Variants in PLEKHB1 observed in about 807,000 individuals in gnomAD.
The protein encoded by PLEKHB1 is pleckstrin homology domain-containing family B member 1.
PLEKHB1 carries 29 observed loss-of-function variants against 36.2 expected under a neutral mutation model. That is an observed-to-expected ratio of 0.80 (90% CI 0.60 to 1.09). PLEKHB1 has a LOEUF of 1.09. PLEKHB1 is among the 50% of genes least tolerant of loss of function. PLEKHB1 has a pLI of 0.00. For missense variants in PLEKHB1, 330 were observed against 348.2 expected (o/e 0.95, Z 0.42); for synonymous variants, 138 against 140.0 (o/e 0.99, Z 0.10).
chr11:73,646,853 C>T (rs1286307770), intron 1 of PLEKHB1, among the ~76,000 whole-genome samples: 1 of 152,116 alleles, frequency 6.6e-6, no homozygotes, highest in Admixed American at 6.5e-5. Context: ...GGTGGGCTCC[C>T]GCCAGTCCAT....
At chr11:73,656,493 G>A (rs1017047122) in intron 6 of PLEKHB1, among the ~76,000 whole-genome samples, 1 of 152,184 alleles carries the variant, frequency 6.6e-6, no homozygotes, top group Non-Finnish European at 1.5e-5. Flanking sequence ...TTCACTGAGT[G>A]AGCAAAGGAA....
At position 73,661,609 on chromosome 11, in the gene PLEKHB1, G is replaced by GGACT; in HGVS notation, c.*8_*11dup. ...GTCGCCCTGCTGGTTCTGAGCCCTGGGACTCGGAGCACTGACCCCTGCGCT... is the reference window on the plus strand; with the variant it reads ...GTCGCCCTGCTGGTTCTGAGCCCTGGGACTGACTCGGAGCACTGACCCCTGCGCT... On this transcript the variant is annotated 3_prime_UTR_variant, in exon 8 of 8. Transcript: ENST00000354190. The surrounding 1 kb of genome is among the most constrained non-coding windows in gnomAD (Gnocchi z 4.6). 6.4e-7 allele frequency: 1 copy of GGACT among 1,573,240 alleles called. No individual in the cohort carries two copies. Among genetic ancestry groups the GGACT allele is most frequent in the Non-Finnish European group, 8.6e-7 (1 of 1,161,538 alleles).
intron 5 of PLEKHB1, among the ~76,000 whole-genome samples, chr11:73,653,627 C>T (rs966206142): frequency 6.6e-6 from 1 of 152,168 alleles, no homozygotes; most frequent in African/African-American, 2.4e-5. Context: ...AGGCTTAAAC[C>T]GAGGACTGAA....
At chr11:73,653,395 C>T (rs141663899) in intron 5 of PLEKHB1, 10 of 498,972 alleles carry the variant, frequency 2.0e-5, no homozygotes, top group Middle Eastern at 3.0e-4. Context: ...CTCATTCATC[C>T]GCACAACAAA....
chr11:73,646,727 T>A, intron 1 of PLEKHB1, 101 bp downstream of exon 1: 1 of 1,276,806 alleles, frequency 7.8e-7, no homozygotes, highest in Non-Finnish European at 1.1e-6. Context: ...CCTGACATCC[T>A]CTGGTCTCTG....
intron 6 of PLEKHB1, among the ~76,000 whole-genome samples, chr11:73,656,372 G>A (rs1387918740): frequency 4.6e-5 from 7 of 152,270 alleles, no homozygotes; most frequent in East Asian, 1.9e-4. Flanking sequence ...GCCTGATTGC[G>A]CTGCCTCTAT....
chr11:73,651,998 G>T lies in PLEKHB1; in HGVS notation c.350+108G>T, dbSNP rs1944907760. The T allele has an allele frequency of 4.1e-6, 4 of 979,418 alleles. No homozygotes were observed. In the South Asian group the frequency reaches 4.5e-5, roughly 11 times the overall value. The allele number at this position is 979,418 out of a possible 1,614,324, so 60.7% of individuals were successfully genotyped here. A position where few individuals can be genotyped will look rare whatever the true frequency, so the allele number is the denominator to read the frequency against. On this transcript the variant is annotated intron_variant, in intron 4 of 7. Coordinates refer to ENST00000354190, the MANE Select transcript of PLEKHB1 (RefSeq NM_021200.3). ...CTGACCGTAGGAAGAGGGCACTAAG[G>T]CCAGTCAGCAAGGGAGTCTTATTGG...
In PLEKHB1 at chr11:73,648,996, G is replaced by A. The variant is rs138039493; in HGVS notation, c.19-16G>A. The A allele has an allele frequency of 4.0e-4, 633 of 1,580,708 alleles. 4 individuals carry two copies. The African/African-American group carries it at 7.5e-3, about 19-fold the overall frequency. On this transcript the variant is annotated splice_polypyrimidine_tract_variant and intron_variant, in intron 1 of 7. Transcript: ENST00000354190. ...GCTGCTGCTGAGGCCTGTGTCTCCCGTGGCTCCTCTGACAGGTCCCGCCTG... is the reference window on the plus strand; with the variant it reads ...GCTGCTGCTGAGGCCTGTGTCTCCCATGGCTCCTCTGACAGGTCCCGCCTG...
intron 6 of PLEKHB1, among the ~76,000 whole-genome samples, chr11:73,657,804 C>T (rs937645501): frequency 2.0e-5 from 3 of 152,186 alleles, no homozygotes; most frequent in Non-Finnish European, 4.4e-5. Context: ...GATCTTGGCA[C>T]TGCCTACCAG....
At position 73,661,520 on chromosome 11, in the gene PLEKHB1, C is replaced by A; in HGVS notation, c.650C>A (p.Ala217Asp). The A allele has an allele frequency of 6.2e-7, 1 of 1,613,486 alleles. No individual in the cohort carries two copies. The highest frequency in any genetic ancestry group is 1.3e-5 in the African/African-American group (1 of 75,044). The change falls in exon 8 of 8, where the codon GCC (alanine) becomes GAC (aspartate). Residue 217 changes from alanine to aspartate, a missense_variant. Transcript: ENST00000354190. The surrounding 1 kb of genome is among the most constrained non-coding windows in gnomAD (Gnocchi z 4.6). ...GAGGATCCCTGCTACAGCGCCGGCG[C>A]CCCTCTGGCCATGGGCATGCTTGCG... is the stretch of plus-strand genomic sequence containing the variant. ...VREDPCYSAG[A>D]PLAMGMLAGA...
chr11:73,656,923 C>T (rs1222157933), intron 6 of PLEKHB1, among the ~76,000 whole-genome samples: 7 of 152,160 alleles, frequency 4.6e-5, no homozygotes, highest in Admixed American at 6.5e-5. Context: ...GAGGCTGAGG[C>T]GGGCAGGTTG....
chr11:73,648,224 C>G (rs1051455230), intron 1 of PLEKHB1: 4 of 155,462 alleles, frequency 2.6e-5, no homozygotes, highest in African/African-American at 9.6e-5. Flanking sequence ...GGCCTGGTAT[C>G]GGAAGTTCTC....
At chr11:73,650,861 T>G (rs1944876415) in intron 3 of PLEKHB1, among the ~76,000 whole-genome samples, 156 bp downstream of exon 3, 1 of 152,018 alleles carries the variant, frequency 6.6e-6, no homozygotes, top group South Asian at 2.1e-4. Context: ...CAGTTTGGTG[T>G]GAGTTAAGAA....
At position 73,661,203 on chromosome 11, in the gene PLEKHB1, C is replaced by T. The variant is rs915540023; in HGVS notation, c.596-263C>T. 8.5e-5 allele frequency among the ~76,000 whole-genome samples: 13 copies of T among 152,226 alleles called. No homozygotes were observed. Among genetic ancestry groups the T allele is most frequent in the Non-Finnish European group, 1.9e-4 (13 of 68,040 alleles). ...CATCGTTAGGCGCCTGGTGGTTGTG[C>T]TTAGCGATCTCAGGGTTTCCTCGCT... On this transcript the variant is annotated intron_variant, in intron 7 of 7. Coordinates refer to ENST00000354190, the MANE Select transcript of PLEKHB1 (RefSeq NM_021200.3). The surrounding 1 kb of genome is among the most constrained non-coding windows in gnomAD (Gnocchi z 4.6).
chr11:73,647,556 C>A, intron 1 of PLEKHB1: 1 of 985,532 alleles, frequency 1.0e-6, no homozygotes, highest in Non-Finnish European at 1.2e-6. Context: ...GTCACTCCCC[C>A]TCCCTGGGGT....
chr11:73,648,024 A>C, intron 1 of PLEKHB1: 2 of 978,068 alleles, frequency 2.0e-6, no homozygotes, highest in Non-Finnish European at 2.4e-6. Flanking sequence ...GCTAACCCTC[A>C]GTTTGTCCAT....
chr11:73,660,953 A>T, intron 7 of PLEKHB1, 101 bp downstream of exon 7: 1 of 1,099,052 alleles, frequency 9.1e-7, no homozygotes, highest in Admixed American at 2.1e-5. Context: ...TCATCCTTTT[A>T]GCGTGCACGG....
Position 73,661,598 on chromosome 11 carries a change from T to C in PLEKHB1, c.728T>C (p.Phe243Ser). The C allele has an allele frequency of 6.3e-7, 1 of 1,584,266 alleles. No individual in the cohort carries two copies. Among genetic ancestry groups the C allele is most frequent in the Non-Finnish European group, 8.6e-7 (1 of 1,166,120 alleles). ...LGSLMWSPCW[F>S] is the part of the protein sequence containing the mutation. ...TCGCTCATGTGGTCGCCCTGCTGGT[T>C]CTGAGCCCTGGGACTCGGAGCACTG... is the stretch of plus-strand genomic sequence containing the variant. The change falls in exon 8 of 8, where the codon TTC (phenylalanine) becomes TCC (serine). Residue 243 changes from phenylalanine to serine, a missense_variant. Phe to Ser is a radical substitution (Grantham distance 155, BLOSUM62 -2). Transcript: ENST00000354190. The surrounding 1 kb of genome is among the most constrained non-coding windows in gnomAD (Gnocchi z 4.6).
Position 73,661,044 on chromosome 11 carries a change from T to G in PLEKHB1, c.595+192T>G, listed in dbSNP as rs10793065. On this transcript the variant is annotated intron_variant, in intron 7 of 7. Coordinates refer to ENST00000354190, the MANE Select transcript of PLEKHB1 (RefSeq NM_021200.3). This position sits in a 1 kb window ranked among gnomAD's most constrained non-coding sequence, Gnocchi z 4.6. ...TCTGGAACCAGCGTTCGTCTCGAGC[T>G]GACCTCACCCTTCTGGGATGGCTCC... 0.56 allele frequency: 350,487 copies of G among 628,308 alleles called. 101,077 individuals are homozygous for G. Among genetic ancestry groups the G allele is most frequent in the Non-Finnish European group, 0.61 (218,537 of 359,182 alleles). The allele number at this position is 628,308 out of a possible 1,614,324, so 38.9% of individuals were successfully genotyped here.
Sources: gnomAD v4.1 joint callset for allele counts (sites outside exome capture counted in the v4.1 genomes callset) on GRCh38, gnomAD v4.1.1 for gene constraint, Gnocchi (gnomAD v3.1) non-coding constraint, MANE v1.5 for transcripts, NCBI Gene and HGNC (gene_info 2026-07-23, HGNC 2026-07-21) for gene names.